KLHL29: variants seen among roughly 807,000 people sequenced by gnomAD.
KLHL29 encodes kelch like family member 29, also known as kelch-like protein 29.
A neutral mutation model predicts 80.4 loss-of-function variants in KLHL29; 21 were observed. The observed-to-expected ratio is 0.26, with a 90% CI of 0.19 to 0.38. The LOEUF is 0.38. Ranked by LOEUF, KLHL29 falls within the 10% of genes least tolerant of loss-of-function variation. The pLI, the probability that KLHL29 is intolerant of heterozygous loss-of-function variation, is 1.00. For missense variants in KLHL29, 867 were observed against 1,223.9 expected, an observed-to-expected ratio of 0.71 and a Z score of 4.35; for synonymous variants, 511 against 526.8, an observed-to-expected ratio of 0.97 and a Z score of 0.41.
rs553036281 is a variant in KLHL29 at position 23,385,608 on chromosome 2, G to C, written c.-326G>C. The C allele has an allele frequency of 5.9e-6, 1 of 168,406 alleles. No homozygotes were observed. The highest frequency in any genetic ancestry group is 1.8e-4 in the South Asian group (1 of 5,412). 10.4% of individuals were successfully genotyped at this position (168,406 alleles called of 1,614,324 possible). ...AGGAGGAGGAACGAGGGGAGAAGGC[G>C]GAGAGCAGGAACGCGAGGAGGAGGA... is the stretch of plus-strand genomic sequence containing the variant. On this transcript the variant is annotated 5_prime_UTR_variant, in exon 1 of 14. Transcript: ENST00000486442.
At position 23,474,377 on chromosome 2, in the gene KLHL29, C is replaced by T. The variant is rs563147317; in HGVS notation, c.-153-1183C>T. Among the ~76,000 whole-genome samples, 16 of 152,324 alleles carry T rather than the reference C, an allele frequency of 1.1e-4. No homozygotes were observed. In the Middle Eastern group the frequency reaches 0.014, roughly 130 times the overall value. On this transcript the variant is annotated intron_variant, in intron 1 of 13. Transcript: ENST00000486442. ...GCCAAGGATCTTTCCCAGAATACAT[C>T]GATCACCAGTATTGCCAATACCTTG... is the stretch of plus-strand genomic sequence containing the variant.
At chr2:23,426,631 A>C (rs376016146) in intron 1 of KLHL29, among the ~76,000 whole-genome samples, 1 of 152,314 alleles carries the variant, frequency 6.6e-6, no homozygotes, top group Admixed American at 6.5e-5. Flanking sequence ...CATACTTTTC[A>C]TGTACTTTTG....
chr2:23,643,034 G>T, intron 5 of KLHL29, 184 bp downstream of exon 5: 7 of 758,644 alleles, frequency 9.2e-6, no homozygotes, highest in Non-Finnish European at 1.2e-5. Flanking sequence ...GAGGGAGGGG[G>T]AAGGTGTGGA....
chr2:23,572,980 G>A lies in KLHL29; in HGVS notation c.285+10499G>A, dbSNP rs968171091. ...TGGGATTACAGGCGTGAGCCACCGC[G>A]CCCGGCCCAAAAACAGTAATTTCTG... On this transcript the variant is annotated intron_variant, in intron 3 of 13. Coordinates refer to ENST00000486442, the MANE Select transcript of KLHL29 (RefSeq NM_052920.2). 2.6e-5 allele frequency among the ~76,000 whole-genome samples: 4 copies of A among 152,346 alleles called. No individual in the cohort carries two copies. The South Asian group carries it at 6.2e-4, about 24-fold the overall frequency.
chr2:23,625,656 C>T (rs529962313), intron 3 of KLHL29, among the ~76,000 whole-genome samples: 10 of 152,358 alleles, frequency 6.6e-5, no homozygotes, highest in Admixed American at 1.3e-4. Flanking sequence ...GATCTCCACT[C>T]GGTTCACTCA....
intron 1 of KLHL29, among the ~76,000 whole-genome samples, chr2:23,466,827 G>C (rs1242733029): frequency 6.6e-6 from 1 of 152,212 alleles, no homozygotes; most frequent in African/African-American, 2.4e-5. Flanking sequence ...TTACTAGGGA[G>C]GGGAGAGGAC....
Position 23,438,218 on chromosome 2 carries a change from G to A in KLHL29, c.-153-37342G>A, listed in dbSNP as rs572069002. ...GCTTAAGGAGATTTTGGGCTGAGATGATGGGGTTTTCTAGATATACAATCA... is the reference window on the plus strand; with the variant it reads ...GCTTAAGGAGATTTTGGGCTGAGATAATGGGGTTTTCTAGATATACAATCA... On this transcript the variant is annotated intron_variant, in intron 1 of 13. Coordinates refer to ENST00000486442, the MANE Select transcript of KLHL29 (RefSeq NM_052920.2). Among the ~76,000 whole-genome samples the A allele has an allele frequency of 1.9e-3, 292 of 151,666 alleles. 1 individual carries two copies. The highest frequency in any genetic ancestry group is 6.1e-3 in the African/African-American group (252 of 41,154).
chr2:23,482,055 T>C (rs1664810991), intron 2 of KLHL29, among the ~76,000 whole-genome samples: 1 of 152,176 alleles, frequency 6.6e-6, no homozygotes. Context: ...CCATCTTCCT[T>C]GTCCGCTGCC....
intron 2 of KLHL29, among the ~76,000 whole-genome samples, chr2:23,523,291 C>T (rs1035822895): frequency 6.6e-6 from 1 of 152,178 alleles, no homozygotes; most frequent in Non-Finnish European, 1.5e-5. Flanking sequence ...TTTTGTAGAG[C>T]GAGTTTTCCA....
intron 1 of KLHL29, among the ~76,000 whole-genome samples, chr2:23,454,905 T>C (rs1233958726): frequency 6.7e-6 from 1 of 150,276 alleles, no homozygotes; most frequent in Non-Finnish European, 1.5e-5. Flanking sequence ...GTCTACCCCT[T>C]GGCACTTGGC....
chr2:23,490,658 C>T (rs1191881357), intron 2 of KLHL29, among the ~76,000 whole-genome samples: 1 of 152,186 alleles, frequency 6.6e-6, no homozygotes, highest in African/African-American at 2.4e-5. Flanking sequence ...TAATATCTTT[C>T]ATAAAAGATG....
chr2:23,424,243 C>T (rs1024462625), intron 1 of KLHL29, among the ~76,000 whole-genome samples: 5 of 152,154 alleles, frequency 3.3e-5, no homozygotes, highest in African/African-American at 1.2e-4. Flanking sequence ...ACATAGTTTC[C>T]CCTAATATGG....
chr2:23,639,348 G>T, intron 4 of KLHL29, 68 bp downstream of exon 4: 1 of 1,482,284 alleles, frequency 6.7e-7, no homozygotes, highest in South Asian at 1.3e-5. Flanking sequence ...AGGCTTCCTG[G>T]GGACCCCAAC....
chr2:23,475,130 T>C (rs1553328275), intron 1 of KLHL29, among the ~76,000 whole-genome samples: 2 of 152,244 alleles, frequency 1.3e-5, no homozygotes, highest in Non-Finnish European at 2.9e-5. Flanking sequence ...TCCTTTTCAG[T>C]ATTAGATTAA....
rs575759656 is a variant in KLHL29, at chr2:23,631,216, C to T, written c.286-7923C>T. Among the ~76,000 whole-genome samples the T allele has an allele frequency of 2.6e-5, 4 of 152,314 alleles. No homozygotes were observed. In the East Asian group the frequency reaches 7.7e-4, roughly 29 times the overall value. The stretch of plus-strand genomic sequence containing the variant: ...GCCCCTCCTACCACCTGCCCCATCA[C>T]GTCCTCTGCCCCCACCCAGGCTCTC... On this transcript the variant is annotated intron_variant, in intron 3 of 13. Coordinates refer to ENST00000486442, the MANE Select transcript of KLHL29 (RefSeq NM_052920.2).
chr2:23,527,286 G>A (rs1348634435), intron 2 of KLHL29, among the ~76,000 whole-genome samples: 1 of 152,194 alleles, frequency 6.6e-6, no homozygotes, highest in Non-Finnish European at 1.5e-5. Flanking sequence ...CCCCTTTAGA[G>A]CCAGCACGTG....
intron 5 of KLHL29, chr2:23,668,468 T>C (rs765412329): frequency 1.3e-5 from 2 of 152,188 alleles, no homozygotes; most frequent in Non-Finnish European, 2.9e-5. Flanking sequence ...GTGCACCACA[T>C]TGGAGGATGC....
At chr2:23,653,420 G>A (rs1670140348) in intron 5 of KLHL29, among the ~76,000 whole-genome samples, 1 of 152,220 alleles carries the variant, frequency 6.6e-6, no homozygotes. Flanking sequence ...GCCGCACTGG[G>A]CCAGCTCTTA....
chr2:23,706,222 G>T (rs539469981), intron 13 of KLHL29, among the ~76,000 whole-genome samples: 10 of 152,216 alleles, frequency 6.6e-5, no homozygotes, highest in Non-Finnish European at 1.3e-4. Flanking sequence ...CCTAGCCATG[G>T]TTAGTCACTC....
Sources: allele counts gnomAD v4.1 joint callset (sites outside exome capture counted in the v4.1 genomes callset), GRCh38; gene constraint gnomAD v4.1.1; transcripts MANE v1.5; gene names NCBI Gene and HGNC (gene_info 2026-07-23, HGNC 2026-07-21).